Variants in PATJ observed in about 807,000 individuals in gnomAD.
PATJ encodes the protein PATJ crumbs cell polarity complex component, also known as inaD-like protein.
Under a neutral mutation model 224.9 loss-of-function variants are expected in PATJ, and 190 were observed. The observed-to-expected ratio is 0.84, with a 90% CI of 0.75 to 0.95. PATJ has a LOEUF of 0.95. Ranked by LOEUF, PATJ falls within the 40% of genes least tolerant of loss-of-function variation. The probability of loss-of-function intolerance (pLI) is 0.00; values close to 1 mark genes in which losing one functional copy is unlikely to be tolerated. For synonymous variants in PATJ, 769 were observed against 820.3 expected (o/e 0.94, Z 1.07); for missense variants, 2,121 against 2,270.3 (o/e 0.93, Z 1.34).
At chr1:61,870,552 G>T (rs528509902) in intron 20 of PATJ, among the ~76,000 whole-genome samples, 31 of 152,244 alleles carry the variant, frequency 2.0e-4, no homozygotes, top group South Asian at 8.3e-4. Context: ...TCTGCCTCCT[G>T]TCACTACCAA....
chr1:62,022,846 CAT>C (rs1316057878), intron 29 of PATJ, among the ~76,000 whole-genome samples: 72 of 152,212 alleles, frequency 4.7e-4, no homozygotes, highest in Non-Finnish European at 1.5e-4. Flanking sequence ...ATCGATTGAA[CAT>C]ATGTCTTCCT....
intron 6 of PATJ, among the ~76,000 whole-genome samples, chr1:61,774,924 G>A (rs1557621558): frequency 1.3e-5 from 2 of 152,172 alleles, no homozygotes; most frequent in African/African-American, 2.4e-5. Context: ...AATGAGAAAT[G>A]TTTCCTGTGC....
chr1:61,768,330 C>T (rs1041185692), intron 4 of PATJ, among the ~76,000 whole-genome samples: 2 of 151,872 alleles, frequency 1.3e-5, no homozygotes, highest in Non-Finnish European at 2.9e-5. Context: ...ATTAGCCAGG[C>T]GTGGTGGCTG....
intron 31 of PATJ, among the ~76,000 whole-genome samples, chr1:62,053,438 G>A (rs1653994127): frequency 6.6e-6 from 1 of 152,176 alleles, no homozygotes; most frequent in African/African-American, 2.4e-5. Flanking sequence ...AAGAGTGTCT[G>A]GCCGGGCACA....
Position 61,886,506 on chromosome 1 carries a change from A to T in PATJ, c.3131+2098A>T, listed in dbSNP as rs112824738. On this transcript the variant is annotated intron_variant, in intron 22 of 43. Transcript: ENST00000642238. ...AAGGTTAAAAATTGGACACAGAAAG[A>T]GCTGACTAGTGTTTTGAAAATCCTG... Among the ~76,000 whole-genome samples, 190 of 152,130 alleles carry T rather than the reference A, an allele frequency of 1.2e-3. 1 individual carries two copies. The highest frequency in any genetic ancestry group is 4.2e-3 in the African/African-American group (176 of 41,500).
At chr1:61,961,750 C>T (rs1255230787) in intron 27 of PATJ, among the ~76,000 whole-genome samples, 1 of 151,950 alleles carries the variant, frequency 6.6e-6, no homozygotes, top group Non-Finnish European at 1.5e-5. Flanking sequence ...AGGTGGATCA[C>T]CTGAGGTCAA....
intron 26 of PATJ, among the ~76,000 whole-genome samples, chr1:61,916,724 A>G (rs1180980262): frequency 6.6e-6 from 1 of 152,198 alleles, no homozygotes; most frequent in Non-Finnish European, 1.5e-5. Flanking sequence ...AGTTGACTAA[A>G]TGGGAGACCG....
intron 28 of PATJ, among the ~76,000 whole-genome samples, chr1:62,003,182 A>G (rs1277951696): frequency 6.6e-6 from 1 of 152,184 alleles, no homozygotes; most frequent in Admixed American, 6.5e-5. Flanking sequence ...GAAATTACCT[A>G]TAGTCACCTA....
At chr1:61,765,927 T>G (rs1033967488) in intron 3 of PATJ, among the ~76,000 whole-genome samples, 3 of 152,172 alleles carry the variant, frequency 2.0e-5, no homozygotes, top group African/African-American at 7.2e-5. Context: ...GCTCCCCACG[T>G]GGAATTGTAC....
chr1:62,139,188 G>T (rs1667238613), intron 41 of PATJ, among the ~76,000 whole-genome samples: 1 of 151,998 alleles, frequency 6.6e-6, no homozygotes, highest in Admixed American at 6.6e-5. Flanking sequence ...ATCACGTGAG[G>T]TTGGGAGTTT....
intron 20 of PATJ, 72 bp downstream of exon 20, chr1:61,864,705 T>G: frequency 7.4e-7 from 1 of 1,355,072 alleles, no homozygotes; most frequent in South Asian, 1.4e-5. Context: ...CTAACTCATG[T>G]CACTTCAATG....
chr1:61,860,833 T>TAA (rs760245834), intron 18 of PATJ, among the ~76,000 whole-genome samples: 4 of 133,498 alleles, frequency 3.0e-5, no homozygotes, highest in African/African-American at 5.5e-5. Context: ...TGTCTCAATT[T>TAA]AAAAAAAAAA....
At chr1:61,952,280 A>AGAAAGAG (rs34366135) in intron 27 of PATJ, 1 of 416,892 alleles carries the variant, frequency 2.4e-6, no homozygotes, top group Non-Finnish European at 4.3e-6. Context: ...GAGAGAGAGA[A>AGAAAGAG]AAATAGGCCC....
Position 61,766,408 on chromosome 1 carries a change from TTATTTCCGTGGACC to T in PATJ, c.320_333del (p.Leu107SerfsTer6). 6.2e-7 allele frequency: 1 copy of T among 1,612,416 alleles called. No individual in the cohort carries two copies. ...CTCTAATAACTCGACTGTATCTGGG[TTATTTCCGTGGACC>T]CCGAAGTTGGGAAATGAAGACTTTA... On this transcript the variant is annotated frameshift_variant, in exon 4 of 44. Coordinates refer to ENST00000642238, the MANE Select transcript of PATJ (RefSeq NM_001350145.3). LOFTEE classifies it high-confidence loss of function.
intron 14 of PATJ, among the ~76,000 whole-genome samples, chr1:61,819,816 A>G (rs1198452618): frequency 2.6e-5 from 4 of 152,186 alleles, no homozygotes; most frequent in African/African-American, 9.7e-5. Flanking sequence ...TCCCACCTGC[A>G]TTTAGCAACT....
chr1:62,051,801 C>T (rs1210306049), intron 31 of PATJ, among the ~76,000 whole-genome samples: 1 of 152,162 alleles, frequency 6.6e-6, no homozygotes, highest in African/African-American at 2.4e-5. Flanking sequence ...TTTTAGAGAA[C>T]TCTTTCTCCT....
At chr1:62,007,332 T>A (rs953982664) in intron 28 of PATJ, among the ~76,000 whole-genome samples, 12 of 152,340 alleles carry the variant, frequency 7.9e-5, no homozygotes, top group African/African-American at 2.9e-4. Flanking sequence ...GAAGGCCCAC[T>A]TTGTCAGTAA....
intron 21 of PATJ, among the ~76,000 whole-genome samples, chr1:61,883,439 T>C (rs942241120): frequency 6.6e-6 from 1 of 152,050 alleles, no homozygotes; most frequent in African/African-American, 2.4e-5. Context: ...AACTCATAGT[T>C]TGATGTGAGA....
Position 62,144,304 on chromosome 1 carries a change from G to A in PATJ, c.5272-3980G>A, listed in dbSNP as rs184157411. Among the ~76,000 whole-genome samples, 304 of 152,188 alleles carry A rather than the reference G, an allele frequency of 2.0e-3. 3 individuals are homozygous for A. Among genetic ancestry groups the A allele is most frequent in the African/African-American group, 7.0e-3 (289 of 41,520 alleles). ...CAGAAGATTCTGTAACTTGGACATA[G>A]CAGTGTTTTCCCCAGAATAGGATGC... is the stretch of plus-strand genomic sequence containing the variant. On this transcript the variant is annotated intron_variant, in intron 41 of 43. Transcript: ENST00000642238.
Sources: allele counts gnomAD v4.1 joint callset (sites outside exome capture counted in the v4.1 genomes callset), GRCh38; gene constraint gnomAD v4.1.1; transcripts MANE v1.5; gene names NCBI Gene and HGNC (gene_info 2026-07-23, HGNC 2026-07-21).